The following IARS1 variants were observed in gnomAD, a reference collection of about 807,000 sequenced individuals.
The protein encoded by IARS1 is isoleucyl-tRNA synthetase 1.
Under a neutral mutation model 168.2 loss-of-function variants are expected in IARS1, and 124 were observed. That is an observed-to-expected ratio of 0.74 (90% CI 0.64 to 0.86). The LOEUF is 0.86. IARS1 is among the 40% of genes least tolerant of loss of function. The pLI is 0.00. For synonymous variants in IARS1, 532 were observed against 529.4 expected, an observed-to-expected ratio of 1.00 and a Z score of -0.07; for missense variants, 1,452 against 1,515.8, an observed-to-expected ratio of 0.96 and a Z score of 0.70.
chr9:92,265,612 T>A, intron 14 of IARS1, 59 bp from the exon 15 acceptor site: 1 of 1,230,264 alleles, frequency 8.1e-7, no homozygotes. Context: ...GCATACTGAG[T>A]TAATTTATAT....
chr9:92,271,502 G>C, intron 11 of IARS1, 31 bp downstream of exon 11: 1 of 1,611,424 alleles, frequency 6.2e-7, no homozygotes, highest in Non-Finnish European at 8.5e-7. Context: ...AGAAGTAACA[G>C]TCACCCTTCT....
chr9:92,234,141 C>T (rs1170972097), intron 30 of IARS1, among the ~76,000 whole-genome samples: 2 of 152,030 alleles, frequency 1.3e-5, no homozygotes, highest in African/African-American at 4.8e-5. Context: ...GTATAGATTG[C>T]TATTATGAAA....
At chr9:92,272,406 T>C (rs1833172978) in intron 10 of IARS1, among the ~76,000 whole-genome samples, 1 of 152,184 alleles carries the variant, frequency 6.6e-6, no homozygotes, top group African/African-American at 2.4e-5. Context: ...GCAAGTAACT[T>C]TACCCAGTGC....
rs1223345939 is a variant in IARS1 at position 92,250,786 on chromosome 9, C to T, written c.2356G>A (p.Val786Met). Residue 786 changes from valine (V) to methionine (M), a missense_variant, in exon 23 of 34, where the codon GTG becomes ATG. Coordinates refer to ENST00000443024, the MANE Select transcript of IARS1 (RefSeq NM_002161.6). ...LTELMYQNLKVLIDPVSVQDK... is the reference protein window; with the variant it reads ...LTELMYQNLKMLIDPVSVQDK... The stretch of plus-strand genomic sequence containing the variant: ...TGAACAGAAACAGGGTCAATCAGCA[C>T]CTTTAGATTCTGGTACATCAATTCA... 6.2e-7 allele frequency: 1 copy of T among 1,613,394 alleles called. No homozygotes were observed. Among genetic ancestry groups the T allele is most frequent in the African/African-American group, 1.3e-5 (1 of 74,870 alleles).
intron 6 of IARS1, among the ~76,000 whole-genome samples, chr9:92,282,174 C>T (rs532192218): frequency 6.6e-6 from 1 of 152,002 alleles, no homozygotes; most frequent in African/African-American, 2.4e-5. Context: ...GTACTGTGCC[C>T]CACTCCCATA....
intron 4 of IARS1, 154 bp downstream of exon 4, chr9:92,287,637 G>T: frequency 1.3e-6 from 1 of 744,710 alleles, no homozygotes; most frequent in Non-Finnish European, 2.0e-6. Context: ...TTCAGTTTAA[G>T]CTAACCGTTT....
chr9:92,289,427 C>T lies in IARS1; in HGVS notation c.-7-1G>A, dbSNP rs770599986. 5 of 1,280,368 alleles carry T rather than the reference C, an allele frequency of 3.9e-6. No homozygotes were observed. Among genetic ancestry groups the T allele is most frequent in the East Asian group, 4.6e-5 (2 of 43,230 alleles). 79.3% of individuals were successfully genotyped at this position (1,280,368 alleles called of 1,614,324 possible). A position where few individuals can be genotyped will look rare whatever the true frequency, so the allele number is the denominator to read the frequency against. On this transcript the variant is annotated splice_acceptor_variant, in intron 1 of 33. Transcript: ENST00000443024. LOFTEE classifies it low-confidence loss of function (5UTR_SPLICE). The stretch of plus-strand genomic sequence containing the variant: ...TGGAACTTGTTGAAGCATTTTGTTG[C>T]TGCAAAAGAAATCAAATTTATTACT...
chr9:92,235,060 C>T (rs1175859857), intron 30 of IARS1, among the ~76,000 whole-genome samples: 1 of 152,152 alleles, frequency 6.6e-6, no homozygotes, highest in African/African-American at 2.4e-5. Flanking sequence ...TGGTCTTGAA[C>T]TCCTGACCTC....
chr9:92,268,806 C>T (rs770459498), intron 13 of IARS1, among the ~76,000 whole-genome samples: 1 of 152,212 alleles, frequency 6.6e-6, no homozygotes, highest in Non-Finnish European at 1.5e-5. Context: ...TGGCTTTGCC[C>T]ATGCCTGCCC....
intron 16 of IARS1, among the ~76,000 whole-genome samples, chr9:92,263,518 T>G (rs1831834473): frequency 6.6e-6 from 1 of 152,266 alleles, no homozygotes. Context: ...CTCATTTATG[T>G]GCTACCTAGC....
rs1180700187 is a variant in IARS1 at position 92,260,135 on chromosome 9, A to G, written c.1871+16T>C. 1.9e-6 allele frequency: 3 copies of G among 1,542,626 alleles called. No individual in the cohort carries two copies. The highest frequency in any genetic ancestry group is 2.7e-6 in the Non-Finnish European group (3 of 1,114,724). ...AAAAACAATAGATACACACAAGGCA[A>G]AGCACTGGTTTGTACCTGAGGGCAT... On this transcript the variant is annotated intron_variant, in intron 18 of 33. Transcript: ENST00000443024.
chr9:92,256,829 G>C (rs1830798609), intron 19 of IARS1, 29 bp from the exon 20 acceptor site: 2 of 1,587,434 alleles, frequency 1.3e-6, no homozygotes, highest in African/African-American at 2.7e-5. Flanking sequence ...TGAAACACTG[G>C]CACACTTGGG....
chr9:92,247,636 C>T, intron 25 of IARS1, 85 bp from the exon 26 acceptor site: 1 of 1,197,876 alleles, frequency 8.3e-7, no homozygotes, highest in Non-Finnish European at 1.2e-6. Context: ...CAGCATTATT[C>T]CTAACTGCCA....
At chr9:92,249,544 C>T (rs990651052) in intron 25 of IARS1, among the ~76,000 whole-genome samples, 23 of 150,180 alleles carry the variant, frequency 1.5e-4, no homozygotes, top group Non-Finnish European at 8.9e-5. Context: ...GAGACTCTGT[C>T]GAAAGAAAAG....
chr9:92,256,604 C>T, intron 20 of IARS1, 76 bp downstream of exon 20: 2 of 1,330,808 alleles, frequency 1.5e-6, no homozygotes, highest in South Asian at 1.5e-5. Context: ...TCAATATTTC[C>T]ACTATTAAAT....
In IARS1 at chr9:92,285,725, A is replaced by G. The variant is rs373274990; in HGVS notation, c.594T>C (p.Tyr198=). ...AATGTCTCTACATTTCACGTACCTT[A>G]TAATTCTGGTGTGACTCGAAGTTGG... ...PLSNFESHQN[Y]KDVQDPSVFV... Residue 198 remains tyrosine, a synonymous_variant, in exon 6 of 34, where the codon TAT becomes TAC. Coordinates refer to ENST00000443024, the MANE Select transcript of IARS1 (RefSeq NM_002161.6). 5.7e-6 allele frequency: 9 copies of G among 1,581,476 alleles called. No individual in the cohort carries two copies. The highest frequency in any genetic ancestry group is 1.1e-5 in the South Asian group (1 of 90,416).
chr9:92,279,098 C>A lies in IARS1; in HGVS notation c.746-812G>T, dbSNP rs549686996. Among the ~76,000 whole-genome samples, 4 of 152,140 alleles carry A rather than the reference C, an allele frequency of 2.6e-5. No individual in the cohort carries two copies. In the South Asian group the frequency reaches 8.3e-4, roughly 31 times the overall value. Reference sequence around the variant, plus strand: ...TCTCATCATAAGCTATGATATTACACATCTGAGATTTACTAGAGCCTATGT... The same window carrying A: ...TCTCATCATAAGCTATGATATTACAAATCTGAGATTTACTAGAGCCTATGT... On this transcript the variant is annotated intron_variant, in intron 7 of 33. Coordinates refer to ENST00000443024, the MANE Select transcript of IARS1 (RefSeq NM_002161.6).
chr9:92,256,460 G>C (rs1456649800), intron 20 of IARS1: 1 of 304,108 alleles, frequency 3.3e-6, no homozygotes, highest in Non-Finnish European at 5.9e-6. Context: ...AAATGCTGGG[G>C]ATTACAGGCG....
At chr9:92,220,661 T>C (rs933301869) in intron 33 of IARS1, among the ~76,000 whole-genome samples, 2 of 151,228 alleles carry the variant, frequency 1.3e-5, no homozygotes, top group Non-Finnish European at 3.0e-5. Flanking sequence ...AAAACACGAA[T>C]AGAATGAAAA....
Sources: gnomAD v4.1 joint callset for allele counts (sites outside exome capture counted in the v4.1 genomes callset) on GRCh38, gnomAD v4.1.1 for gene constraint, MANE v1.5 for transcripts, NCBI Gene and HGNC (gene_info 2026-07-23, HGNC 2026-07-21) for gene names.